DNAH8: variants seen among roughly 807,000 people sequenced by gnomAD.
DNAH8 encodes the protein dynein axonemal heavy chain 8, also known as axonemal beta dynein heavy chain 8.
In DNAH8, 382 loss-of-function variants were observed where a neutral mutation model predicts 562.1. The ratio of observed to expected loss-of-function variants is 0.68; its 90% CI spans 0.63 to 0.74. DNAH8 has a LOEUF of 0.74. Among genes scored for constraint, DNAH8 ranks in the 30% least tolerant of loss-of-function variants. The probability of loss-of-function intolerance (pLI) is 0.00; values close to 1 mark genes in which losing one functional copy is unlikely to be tolerated. For missense variants in DNAH8, 5,203 were observed against 5,620.4 expected, an observed-to-expected ratio of 0.93 and a Z score of 2.37; for synonymous variants, 1,881 against 1,919.4, an observed-to-expected ratio of 0.98 and a Z score of 0.52.
chr6:38,981,925 C>A (rs947965245), intron 85 of DNAH8, among the ~76,000 whole-genome samples: 2 of 152,124 alleles, frequency 1.3e-5, no homozygotes, highest in African/African-American at 2.4e-5. Context: ...CGGTGGTGGT[C>A]CTGTAAGAGT....
chr6:38,942,524 T>C (rs910335756), intron 79 of DNAH8, among the ~76,000 whole-genome samples: 1 of 152,160 alleles, frequency 6.6e-6, no homozygotes, highest in South Asian at 2.1e-4. Flanking sequence ...TTCTGCCCAG[T>C]GTCACACCCA....
At position 38,723,171 on chromosome 6, in the gene DNAH8, A is replaced by G; in HGVS notation, c.362A>G (p.Asn121Ser). 1 of 1,611,776 alleles carries G rather than the reference A, an allele frequency of 6.2e-7. No individual in the cohort carries two copies. Among genetic ancestry groups the G allele is most frequent in the South Asian group, 1.1e-5 (1 of 90,894 alleles). Residue 121 changes from asparagine (N) to serine (S), a missense_variant, in exon 2 of 93, where the codon AAT becomes AGT. This residue lies in a region of DNAH8 where 556 missense variants were observed against 496.9 expected (regional missense o/e 1.12). Transcript: ENST00000327475. ...CGCCGGAGTATGAGTGGCCTTCCCAATCTACAGGAAACATTAAAAGAGAGA... is the reference window on the plus strand; with the variant it reads ...CGCCGGAGTATGAGTGGCCTTCCCAGTCTACAGGAAACATTAAAAGAGAGA... ...RYRRSMSGLP[N>S]LQETLKERQA...
At chr6:38,984,855 T>C (rs1025732276) in intron 87 of DNAH8, among the ~76,000 whole-genome samples, 5 of 152,128 alleles carry the variant, frequency 3.3e-5, no homozygotes, top group Non-Finnish European at 4.4e-5. Context: ...AGAGCAGTGG[T>C]CAGTTCTCAT....
At chr6:39,027,455 AT>A (rs768626519) in intron 92 of DNAH8, among the ~76,000 whole-genome samples, 5 of 152,220 alleles carry the variant, frequency 3.3e-5, no homozygotes, top group Non-Finnish European at 7.3e-5. Context: ...GATCTGCTCA[AT>A]GAATGTGGGA....
At chr6:38,850,749 C>G (rs913945216) in intron 38 of DNAH8, among the ~76,000 whole-genome samples, 1 of 152,136 alleles carries the variant, frequency 6.6e-6, no homozygotes, top group African/African-American at 2.4e-5. Flanking sequence ...TCCTCCCTTG[C>G]CTCTTTTGGC....
chr6:38,904,292 T>A (rs964472539), intron 62 of DNAH8, among the ~76,000 whole-genome samples: 3 of 152,076 alleles, frequency 2.0e-5, no homozygotes, highest in African/African-American at 7.2e-5. Flanking sequence ...GATAGCAATA[T>A]AGAAGTCTCA....
At chr6:38,877,598 T>C (rs1473011175) in intron 53 of DNAH8, among the ~76,000 whole-genome samples, 1 of 152,180 alleles carries the variant, frequency 6.6e-6, no homozygotes, top group South Asian at 2.1e-4. Flanking sequence ...TGAACTAAGA[T>C]ATTATGCACT....
chr6:38,951,440 G>T lies in DNAH8; in HGVS notation c.12371G>T (p.Arg4124Leu), dbSNP rs371307226. ...LEKTWEESDT[R>L]TPLICFLSMG... ...AAAACTTGGGAAGAAAGTGATACCCGGACACCTCTGATATGCTTCCTGTCC... is the reference window on the plus strand; with the variant it reads ...AAAACTTGGGAAGAAAGTGATACCCTGACACCTCTGATATGCTTCCTGTCC... The change falls in exon 82 of 93, where the codon CGG becomes CTG. Residue 4124 changes from arginine to leucine, a missense_variant. Around this residue, in one of 6 missense-constraint regions of DNAH8, gnomAD observed 1,399 missense variants for 1,518.4 expected, o/e 0.92. Transcript: ENST00000327475. 6.8e-6 allele frequency: 11 copies of T among 1,614,026 alleles called. No homozygotes were observed. In the East Asian group the frequency reaches 2.5e-4, roughly 36 times the overall value.
At position 38,781,257 on chromosome 6, in the gene DNAH8, T is replaced by C; in HGVS notation, c.2143T>C (p.Tyr715His). ...VAELDATKKL[Y>H]HSQKDDPPLA... The stretch of plus-strand genomic sequence containing the variant: ...AACATCAGATTTTTAATTACAGCTT[T>C]ATCATTCTCAGAAAGATGACCCCCC... Residue 715 changes from tyrosine (Y) to histidine (H), a missense_variant, in exon 16 of 93, where the codon TAT becomes CAT. Physicochemically the swap from Tyr to His is moderately conservative, Grantham distance 83. Around this residue, in one of 6 missense-constraint regions of DNAH8, gnomAD observed 2,176 missense variants for 2,365.1 expected, o/e 0.92. Coordinates refer to ENST00000327475, the MANE Select transcript of DNAH8 (RefSeq NM_001206927.2). 1.9e-6 allele frequency: 3 copies of C among 1,613,864 alleles called. No homozygotes were observed. Among genetic ancestry groups the C allele is most frequent in the Non-Finnish European group, 2.5e-6 (3 of 1,179,888 alleles).
chr6:38,791,780 T>C (rs1355087722), intron 21 of DNAH8, 106 bp downstream of exon 21: 3 of 464,792 alleles, frequency 6.5e-6, no homozygotes, highest in Non-Finnish European at 9.1e-6. Context: ...GCATTTAGAC[T>C]TTTTTTTTTT....
In DNAH8 at chr6:38,973,702, A is replaced by C. The variant is rs61757618; in HGVS notation, c.12567A>C (p.Glu4189Asp). The change falls in exon 84 of 93, where the codon GAA becomes GAC. Residue 4189 changes from glutamate to aspartate, a missense_variant. Coordinates refer to ENST00000327475, the MANE Select transcript of DNAH8 (RefSeq NM_001206927.2). ...TACAAAATTGCCACCTTGGCCTGGA[A>C]TTCATGGAAGAATTACTAGAGACGC... Reference protein sequence around the residue: ...VLLQNCHLGLEFMEELLETLI... With the variant: ...VLLQNCHLGLDFMEELLETLI... 5.3e-4 allele frequency: 852 copies of C among 1,607,608 alleles called. 3 individuals are homozygous for C. In the African/African-American group the frequency reaches 0.01, roughly 20 times the overall value.
chr6:38,990,652 G>A (rs573863453), intron 88 of DNAH8, among the ~76,000 whole-genome samples: 2 of 152,248 alleles, frequency 1.3e-5, no homozygotes, highest in Admixed American at 6.5e-5. Context: ...GCATCCTTTT[G>A]TCATGCACTG....
chr6:39,016,838 A>T (rs1766603482), intron 91 of DNAH8, among the ~76,000 whole-genome samples: 2 of 152,178 alleles, frequency 1.3e-5, no homozygotes, highest in African/African-American at 2.4e-5. Context: ...CCTCAAGGAC[A>T]AGTGACATGC....
Position 38,921,374 on chromosome 6 carries a change from C to T in DNAH8, c.10530C>T (p.Asn3510=), listed in dbSNP as rs762500757. The change falls in exon 71 of 93, where the codon AAC becomes AAT. Residue 3510 remains asparagine (N), a synonymous_variant. Coordinates refer to ENST00000327475, the MANE Select transcript of DNAH8 (RefSeq NM_001206927.2). ...INREVLPLKA[N]LAKQEGRLAV... ...CCACGTCTTCTTCTTTTCAGGCCAACCTGGCCAAGCAGGAAGGCCGGTTAG... is the reference window on the plus strand; with the variant it reads ...CCACGTCTTCTTCTTTTCAGGCCAATCTGGCCAAGCAGGAAGGCCGGTTAG... 6.2e-7 allele frequency: 1 copy of T among 1,612,928 alleles called. No homozygotes were observed. Among genetic ancestry groups the T allele is most frequent in the Non-Finnish European group, 8.5e-7 (1 of 1,179,566 alleles).
Position 39,008,902 on chromosome 6 carries a change from G to T in DNAH8, c.13303G>T (p.Glu4435Ter). Residue 4435 changes from glutamate to a stop codon, truncating the protein, a stop_gained, in exon 89 of 93, where the codon GAG becomes TAG. Coordinates refer to ENST00000327475, the MANE Select transcript of DNAH8 (RefSeq NM_001206927.2). LOFTEE classifies it high-confidence loss of function. ...ESGGGVGETR[E>*]AIVYRLSEDM... ...TGGAGGTGGTGTGGGAGAGACCCGG[G>T]AGGCTATTGTTTATAGATTATCTGA... is the stretch of plus-strand genomic sequence containing the variant. The T allele has an allele frequency of 6.2e-7, 1 of 1,608,688 alleles. No homozygotes were observed. The highest frequency in any genetic ancestry group is 8.5e-7 in the Non-Finnish European group (1 of 1,175,220).
chr6:38,951,373 T>C lies in DNAH8; in HGVS notation c.12304T>C (p.Leu4102=). ...AGCAAGAAAGTATATTGCAGATTCT[T>C]TGGAGGAGAAGTACACAGAACCAGT... The part of the protein sequence containing the change: ...FQARKYIADS[L]EEKYTEPVIL... The change falls in exon 82 of 93, where the codon TTG becomes CTG. Residue 4102 remains leucine (L), a synonymous_variant. Transcript: ENST00000327475. 1.9e-6 allele frequency: 3 copies of C among 1,614,176 alleles called. No individual in the cohort carries two copies. The highest frequency in any genetic ancestry group is 2.5e-6 in the Non-Finnish European group (3 of 1,180,022).
intron 91 of DNAH8, among the ~76,000 whole-genome samples, chr6:39,018,379 A>T (rs1229502187): frequency 1.3e-5 from 2 of 152,154 alleles, no homozygotes; most frequent in African/African-American, 4.8e-5. Flanking sequence ...TAGAGCTAGA[A>T]TGCTGACTTT....
chr6:38,873,257 G>T lies in DNAH8; in HGVS notation c.7501G>T (p.Ala2501Ser). 1 of 1,613,534 alleles carries T rather than the reference G, an allele frequency of 6.2e-7. No homozygotes were observed. Among genetic ancestry groups the T allele is most frequent in the East Asian group, 2.2e-5 (1 of 44,844 alleles). The change falls in exon 52 of 93, where the codon GCA becomes TCA. Residue 2501 changes from alanine (A) to serine (S), a missense_variant. This residue lies in a region of DNAH8 where 977 missense variants were observed against 1,061.8 expected (regional missense o/e 0.92). Coordinates refer to ENST00000327475, the MANE Select transcript of DNAH8 (RefSeq NM_001206927.2). ...GCAGGCATGGTTGAAGAAACGCACT[G>T]CACAGGAAGCTGCTGTATTCCTGAC... ...ILQAWLKKRT[A>S]QEAAVFLTLY...
intron 82 of DNAH8, among the ~76,000 whole-genome samples, chr6:38,961,165 C>T (rs1583460998): frequency 6.6e-6 from 1 of 151,790 alleles, no homozygotes; most frequent in Non-Finnish European, 1.5e-5. Flanking sequence ...ATAGTGGCTA[C>T]CAGAAACTGA....
Sources: allele counts gnomAD v4.1 joint callset (sites outside exome capture counted in the v4.1 genomes callset), GRCh38; gene constraint gnomAD v4.1.1; regional missense constraint gnomAD v4.1.1; transcripts MANE v1.5; gene names NCBI Gene and HGNC (gene_info 2026-07-23, HGNC 2026-07-21).